The following LMNTD1 variants were observed in gnomAD, a reference collection of about 807,000 sequenced individuals.
LMNTD1 encodes the protein lamin tail domain containing 1.
A neutral mutation model predicts 50.9 loss-of-function variants in LMNTD1; 35 were observed. The ratio of observed to expected loss-of-function variants is 0.69; its 90% confidence interval spans 0.53 to 0.91. The LOEUF (loss-of-function observed/expected upper bound fraction) is 0.91. LMNTD1 is among the 40% of genes least tolerant of loss of function. The pLI, the probability that LMNTD1 is intolerant of heterozygous loss-of-function variation, is 0.00. For missense variants in LMNTD1, 470 were observed against 475.5 expected (o/e 0.99, Z 0.11); for synonymous variants, 153 against 161.9 (o/e 0.94, Z 0.42).
chr12:25,635,155 G>A (rs767733438), intron 1 of LMNTD1, among the ~76,000 whole-genome samples: 12 of 149,072 alleles, frequency 8.0e-5, no homozygotes, highest in Admixed American at 2.7e-4. Flanking sequence ...GGGGAGAATC[G>A]CTTAAACCCA....
At chr12:25,514,961 A>T (rs1940644252) in intron 8 of LMNTD1, among the ~76,000 whole-genome samples, 1 of 152,134 alleles carries the variant, frequency 6.6e-6, no homozygotes, top group Admixed American at 6.5e-5. Context: ...TGTTGGTGGG[A>T]GTATAAATTA....
intron 1 of LMNTD1, among the ~76,000 whole-genome samples, chr12:25,634,869 G>C (rs1946794425): frequency 6.6e-6 from 1 of 152,172 alleles, no homozygotes; most frequent in Non-Finnish European, 1.5e-5. Flanking sequence ...AAGTTAAGCT[G>C]TCACTGTTTG....
intron 9 of LMNTD1, among the ~76,000 whole-genome samples, chr12:25,496,615 A>G (rs1939077744): frequency 6.6e-6 from 1 of 152,230 alleles, no homozygotes; most frequent in South Asian, 2.1e-4. Context: ...ACCAGAAAGT[A>G]TACGTAAAGT....
chr12:25,562,985 A>T (rs1349338699), intron 1 of LMNTD1, among the ~76,000 whole-genome samples: 1 of 152,188 alleles, frequency 6.6e-6, no homozygotes, highest in Non-Finnish European at 1.5e-5. Flanking sequence ...TTTCAGCTCC[A>T]TCAGGTCATT....
At chr12:25,613,774 AAG>A (rs1946295882) in intron 1 of LMNTD1, among the ~76,000 whole-genome samples, 1 of 148,764 alleles carries the variant, frequency 6.7e-6, no homozygotes, top group Non-Finnish European at 1.5e-5. Flanking sequence ...AAACATTGGA[AAG>A]AGAGAAAGTA....
intron 1 of LMNTD1, among the ~76,000 whole-genome samples, chr12:25,597,403 G>T (rs982787739): frequency 6.6e-6 from 1 of 151,922 alleles, no homozygotes; most frequent in African/African-American, 2.4e-5. Context: ...TATAAGAAGA[G>T]ACAAAGAAGG....
intron 9 of LMNTD1, among the ~76,000 whole-genome samples, chr12:25,489,337 G>T (rs1230446802): frequency 6.6e-6 from 1 of 151,150 alleles, no homozygotes. Context: ...GTGGTGCGCC[G>T]TTTTTTAAGC....
At chr12:25,631,227 C>G (rs757209336) in intron 1 of LMNTD1, among the ~76,000 whole-genome samples, 1 of 152,172 alleles carries the variant, frequency 6.6e-6, no homozygotes, top group Admixed American at 6.5e-5. Context: ...AGCAGAAGAC[C>G]AAGGGCATAT....
At chr12:25,542,790 A>G (rs998497916) in intron 4 of LMNTD1, among the ~76,000 whole-genome samples, 22 of 150,812 alleles carry the variant, frequency 1.5e-4, no homozygotes, top group African/African-American at 5.3e-4. Flanking sequence ...AAGGGAATGT[A>G]GCCCAAAATG....
chr12:25,558,976 T>C (rs1331130008), intron 1 of LMNTD1, among the ~76,000 whole-genome samples: 7 of 151,932 alleles, frequency 4.6e-5, no homozygotes, highest in Non-Finnish European at 1.0e-4. Flanking sequence ...AGTTTTTTTT[T>C]TTGAGACAGT....
chr12:25,524,394 C>T (rs1941563671), intron 6 of LMNTD1, among the ~76,000 whole-genome samples: 1 of 152,168 alleles, frequency 6.6e-6, no homozygotes, highest in Non-Finnish European at 1.5e-5. Context: ...CATTAGCAGG[C>T]ACAGTTACTT....
chr12:25,567,779 G>A (rs1161801409), intron 1 of LMNTD1, among the ~76,000 whole-genome samples: 3 of 152,078 alleles, frequency 2.0e-5, no homozygotes, highest in Non-Finnish European at 4.4e-5. Context: ...CTCACCAGAA[G>A]CAGATGCCAG....
intron 1 of LMNTD1, among the ~76,000 whole-genome samples, chr12:25,622,770 C>CAAACA (rs1034309424): frequency 3.3e-5 from 5 of 151,958 alleles, no homozygotes; most frequent in African/African-American, 1.2e-4. Flanking sequence ...ACTATGAAAA[C>CAAACA]AAACAAAACA....
intron 9 of LMNTD1, among the ~76,000 whole-genome samples, chr12:25,480,370 G>A (rs912108261): frequency 1.3e-5 from 2 of 152,186 alleles, no homozygotes; most frequent in African/African-American, 4.8e-5. Context: ...GTGTCTTGAA[G>A]GGACACTTGA....
chr12:25,561,108 G>C (rs1269240755), intron 1 of LMNTD1, among the ~76,000 whole-genome samples: 1 of 152,014 alleles, frequency 6.6e-6, no homozygotes, highest in Non-Finnish European at 1.5e-5. Flanking sequence ...TTGATTCATT[G>C]ATTTTTTGAA....
At chr12:25,524,752 G>A (rs979854063) in intron 6 of LMNTD1, among the ~76,000 whole-genome samples, 1 of 152,094 alleles carries the variant, frequency 6.6e-6, no homozygotes, top group African/African-American at 2.4e-5. Flanking sequence ...CTCCATCAAT[G>A]AAAATTAATC....
At chr12:25,488,849 C>G (rs1565937126) in intron 9 of LMNTD1, among the ~76,000 whole-genome samples, 1 of 152,184 alleles carries the variant, frequency 6.6e-6, no homozygotes. Flanking sequence ...TTCTAACAGA[C>G]AGGATCCTCA....
At chr12:25,612,345 A>G (rs1946268202) in intron 1 of LMNTD1, among the ~76,000 whole-genome samples, 1 of 146,032 alleles carries the variant, frequency 6.8e-6, no homozygotes. Context: ...CCCACTGTCA[A>G]CAACACTGAA....
rs1338051676 is a variant in LMNTD1, at chr12:25,602,796, A to AG, written c.58+45697dup. 2.1e-4 allele frequency among the ~76,000 whole-genome samples: 32 copies of AG among 152,084 alleles called. No homozygotes were observed. The South Asian group carries it at 3.7e-3, about 18-fold the overall frequency. On this transcript the variant is annotated intron_variant, in intron 1 of 7. Coordinates refer to the LMNTD1 transcript ENST00000445693. ...AACTAAAGGCAGATGGGAAGAGGAG[A>AG]GGGAAAAAAAAATCAGCTGAAACAA...
Sources: gnomAD v4.1 joint callset for allele counts (sites outside exome capture counted in the v4.1 genomes callset) on GRCh38, gnomAD v4.1.1 for gene constraint, MANE v1.5 for transcripts, NCBI Gene and HGNC (gene_info 2026-07-23, HGNC 2026-07-21) for gene names.